COLGALT2: variants seen among roughly 807,000 people sequenced by gnomAD.
The protein encoded by COLGALT2 is collagen beta(1-O)galactosyltransferase 2, also known as procollagen galactosyltransferase 2.
In COLGALT2, 49 loss-of-function variants were observed where a neutral mutation model predicts 73.4. That is an observed-to-expected ratio of 0.67 (90% CI 0.53 to 0.85). The LOEUF is 0.85. COLGALT2 is among the 40% of genes least tolerant of loss of function. The pLI, the probability that COLGALT2 is intolerant of heterozygous loss-of-function variation, is 0.00. For synonymous variants in COLGALT2, 295 were observed against 307.6 expected (o/e 0.96, Z 0.43); for missense variants, 722 against 790.2 (o/e 0.91, Z 1.03).
chr1:183,962,622 T>C (rs773364246), intron 6 of COLGALT2, among the ~76,000 whole-genome samples: 15 of 152,198 alleles, frequency 9.9e-5, no homozygotes, highest in Admixed American at 1.3e-4. Flanking sequence ...TTCAAGCCTA[T>C]GTCCTAAGCT....
In COLGALT2 at chr1:183,953,443, T is replaced by A. The variant is rs61436435; in HGVS notation, c.1029+1319A>T. Among the ~76,000 whole-genome samples the A allele has an allele frequency of 1.2e-3, 185 of 152,198 alleles. 5 individuals are homozygous for A. The East Asian group carries it at 0.029, about 24-fold the overall frequency. On this transcript the variant is annotated intron_variant, in intron 7 of 11. Coordinates refer to ENST00000361927, the MANE Select transcript of COLGALT2 (RefSeq NM_015101.4). ...CCCAAAGAAGACCGGAACTGGAAGA[T>A]CCTGGTTTTGTCTTATTTTATTTGC...
downstream of COLGALT2, among the ~76,000 whole-genome samples, chr1:183,932,218 G>T (rs929718091): frequency 6.6e-6 from 1 of 152,184 alleles, no homozygotes; most frequent in Non-Finnish European, 1.5e-5. Context: ...GCAGTTTGGT[G>T]AGATCTGACT....
Position 183,964,721 on chromosome 1 carries a change from A to T in COLGALT2, c.833-701T>A, listed in dbSNP as rs1572642918. Among the ~76,000 whole-genome samples, 3 of 152,296 alleles carry T rather than the reference A, an allele frequency of 2.0e-5. 1 individual carries two copies. Among genetic ancestry groups the T allele is most frequent in the African/African-American group, 2.4e-5 (1 of 41,558 alleles). The stretch of plus-strand genomic sequence containing the variant: ...TATTCAAATTGTTCTTCATAGCCCC[A>T]CCTGATAACTTGCAGAGTTATAAGG... On this transcript the variant is annotated intron_variant, in intron 5 of 11. Coordinates refer to ENST00000361927, the MANE Select transcript of COLGALT2 (RefSeq NM_015101.4).
chr1:183,938,628 C>CTAG lies in COLGALT2; in HGVS notation c.*130_*132dup. The CTAG allele has an allele frequency of 6.9e-7, 1 of 1,457,480 alleles. No homozygotes were observed. The highest frequency in any genetic ancestry group is 9.1e-7 in the Non-Finnish European group (1 of 1,103,162). 90.3% of individuals were successfully genotyped at this position (1,457,480 alleles called of 1,614,324 possible). A position where few individuals can be genotyped will look rare whatever the true frequency, so the allele number is the denominator to read the frequency against. ...AATATGTTAATTTCGATCTATCACA[C>CTAG]TAGATCACTTTGGTTAGATGACTGT... On this transcript the variant is annotated 3_prime_UTR_variant, in exon 12 of 12. Coordinates refer to ENST00000361927, the MANE Select transcript of COLGALT2 (RefSeq NM_015101.4).
At chr1:183,984,529 G>A (rs1020506859) in intron 1 of COLGALT2, among the ~76,000 whole-genome samples, 5 of 152,146 alleles carry the variant, frequency 3.3e-5, no homozygotes, top group East Asian at 1.9e-4. Context: ...CCTGGTACCC[G>A]CCAGCCACCA....
rs141786419 is a variant in COLGALT2, at chr1:183,950,272, T to C, written c.1136+735A>G. ...TGATGTGAGTGTCCAGGTCACACTT[T>C]GGGAAACACTGATGAGATTCTCTAA... On this transcript the variant is annotated intron_variant, in intron 8 of 11. Transcript: ENST00000361927. 3.8e-3 allele frequency among the ~76,000 whole-genome samples: 583 copies of C among 152,226 alleles called. 2 individuals are homozygous for C. The highest frequency in any genetic ancestry group is 0.013 in the African/African-American group (559 of 41,534).
intron 1 of COLGALT2, among the ~76,000 whole-genome samples, chr1:184,026,130 A>G (rs542544928): frequency 1.7e-4 from 26 of 152,358 alleles, no homozygotes; most frequent in African/African-American, 5.5e-4. Flanking sequence ...AATGCTTCCA[A>G]GACCTTTCAC....
intron 1 of COLGALT2, among the ~76,000 whole-genome samples, chr1:184,020,147 G>A (rs1014858991): frequency 1.3e-5 from 2 of 152,128 alleles, no homozygotes; most frequent in South Asian, 2.1e-4. Context: ...CCCTGCCCCC[G>A]AATCCTATTA....
chr1:184,002,252 G>A (rs1278460845), intron 1 of COLGALT2, among the ~76,000 whole-genome samples: 1 of 152,144 alleles, frequency 6.6e-6, no homozygotes, highest in Non-Finnish European at 1.5e-5. Context: ...TTGGCCTGGA[G>A]AGGACTACTG....
intron 1 of COLGALT2, among the ~76,000 whole-genome samples, chr1:184,017,090 A>G (rs1241812235): frequency 2.0e-5 from 3 of 152,218 alleles, no homozygotes; most frequent in African/African-American, 7.2e-5. Flanking sequence ...GTTAGAACAC[A>G]GTCTAACCTA....
intron 1 of COLGALT2, among the ~76,000 whole-genome samples, chr1:183,990,761 G>A (rs547725570): frequency 2.6e-5 from 4 of 152,244 alleles, no homozygotes; most frequent in Non-Finnish European, 5.9e-5. Flanking sequence ...ACGTAAATTT[G>A]TTGGGCTAGG....
At chr1:184,012,096 G>T (rs1218501073) in intron 1 of COLGALT2, among the ~76,000 whole-genome samples, 7 of 152,306 alleles carry the variant, frequency 4.6e-5, no homozygotes, top group African/African-American at 1.7e-4. Context: ...AAATAAAAGA[G>T]AATAGAGTTT....
rs71717219 is a variant in COLGALT2 at position 184,015,096 on chromosome 1, T to TAAA, written c.263+21996_263+21998dup. On this transcript the variant is annotated intron_variant, in intron 1 of 11. Transcript: ENST00000361927. The stretch of plus-strand genomic sequence containing the variant: ...CTGGGATTGGGCTTTTTCTAGTGGG[T>TAAA]AAAAAAAAAAAGATGCCAGAGGAAG... Among the ~76,000 whole-genome samples, 151 of 144,260 alleles carry TAAA rather than the reference T, an allele frequency of 1.0e-3. 4 individuals are homozygous for TAAA. The East Asian group carries it at 0.023, about 22-fold the overall frequency. The allele number at this position is 144,260 out of a possible 152,430, so 94.6% of individuals were successfully genotyped here.
At chr1:183,992,968 C>T (rs373601453) in intron 1 of COLGALT2, among the ~76,000 whole-genome samples, 4 of 152,298 alleles carry the variant, frequency 2.6e-5, no homozygotes, top group South Asian at 2.1e-4. Flanking sequence ...ATATGTCTGT[C>T]TTTGCTCATC....
intron 1 of COLGALT2, among the ~76,000 whole-genome samples, chr1:184,019,476 G>A (rs1476219102): frequency 6.6e-6 from 1 of 152,120 alleles, no homozygotes; most frequent in African/African-American, 2.4e-5. Flanking sequence ...GTTAACTGAT[G>A]AACTAGATTA....
At chr1:184,004,559 T>C (rs947319134) in intron 1 of COLGALT2, among the ~76,000 whole-genome samples, 3 of 152,220 alleles carry the variant, frequency 2.0e-5, no homozygotes, top group Non-Finnish European at 4.4e-5. Context: ...TACTTCTCTA[T>C]AAAAATCACT....
chr1:184,014,909 T>C (rs1043213186), intron 1 of COLGALT2, among the ~76,000 whole-genome samples: 10 of 152,152 alleles, frequency 6.6e-5, no homozygotes, highest in Admixed American at 6.5e-5. Flanking sequence ...TAAGTAGATC[T>C]AGAAGAGTAA....
chr1:184,027,549 C>A (rs1306402853), intron 1 of COLGALT2, among the ~76,000 whole-genome samples: 1 of 152,140 alleles, frequency 6.6e-6, no homozygotes, highest in Non-Finnish European at 1.5e-5. Flanking sequence ...AAAGGGTTGG[C>A]AGAACAATGG....
At chr1:183,981,481 G>A (rs898520607) in intron 1 of COLGALT2, among the ~76,000 whole-genome samples, 6 of 117,736 alleles carry the variant, frequency 5.1e-5, no homozygotes, top group Non-Finnish European at 1.2e-4. Flanking sequence ...GGTGAAACCC[G>A]TCCCTACTAA....
Sources: allele counts gnomAD v4.1 joint callset (sites outside exome capture counted in the v4.1 genomes callset), GRCh38; gene constraint gnomAD v4.1.1; transcripts MANE v1.5; gene names NCBI Gene and HGNC (gene_info 2026-07-23, HGNC 2026-07-21).